The following ILDR1 variants were observed in gnomAD, a reference collection of about 807,000 sequenced individuals.
The protein encoded by ILDR1 is immunoglobulin like domain containing receptor 1.
Under a neutral mutation model 62.4 loss-of-function variants are expected in ILDR1, and 56 were observed. The ratio of observed to expected loss-of-function variants is 0.90; its 90% CI spans 0.72 to 1.12. The LOEUF is 1.12. Ranked by LOEUF, ILDR1 falls within the 50% of genes most tolerant of loss-of-function variation. The pLI is 0.00. For synonymous variants in ILDR1, 284 were observed against 277.8 expected, an observed-to-expected ratio of 1.02 and a Z score of -0.22; for missense variants, 736 against 710.6, an observed-to-expected ratio of 1.04 and a Z score of -0.41.
At chr3:122,041,054 T>C in the ILDR1 span, among the ~76,000 whole-genome samples, 1 of 152,196 alleles carries the variant, frequency 6.6e-6, no homozygotes, top group Non-Finnish European at 1.5e-5. Flanking sequence ...AAAGAACTCC[T>C]AAAACTCAGC....
intron 1 of ILDR1, among the ~76,000 whole-genome samples, chr3:122,019,790 C>A (rs73181890): frequency 8.6e-4 from 131 of 152,320 alleles, no homozygotes; most frequent in Non-Finnish European, 1.6e-3. Context: ...GGAGGCTAAT[C>A]AGAGAATTGG....
intron 5 of ILDR1, among the ~76,000 whole-genome samples, chr3:121,995,937 CTT>C (rs1488606853): frequency 3.3e-5 from 5 of 152,200 alleles, no homozygotes; most frequent in East Asian, 1.9e-4. Flanking sequence ...AGCCTACACT[CTT>C]TGTGTGCCGC....
the ILDR1 span, among the ~76,000 whole-genome samples, chr3:122,036,138 G>C: frequency 3.3e-5 from 5 of 152,340 alleles, no homozygotes; most frequent in African/African-American, 1.2e-4. Context: ...CTGCCCTAAA[G>C]ATCTGTGAAA....
At chr3:122,053,567 A>G in the ILDR1 span, among the ~76,000 whole-genome samples, 43 of 152,318 alleles carry the variant, frequency 2.8e-4, no homozygotes, top group African/African-American at 9.9e-4. Flanking sequence ...TGTGTATGAG[A>G]CAAGGTCTCA....
chr3:122,005,425 G>GC (rs756161527), intron 2 of ILDR1, 32 bp from the exon 3 acceptor site: 2 of 1,612,782 alleles, frequency 1.2e-6, no homozygotes, highest in Non-Finnish European at 1.7e-6. Flanking sequence ...GAGTCACACA[G>GC]CAATAGGGGG....
At chr3:122,030,070 G>A in the ILDR1 span, among the ~76,000 whole-genome samples, 1 of 152,098 alleles carries the variant, frequency 6.6e-6, no homozygotes, top group Non-Finnish European at 1.5e-5. Context: ...AGTCTTGCTA[G>A]GATCCACCCA....
At chr3:122,035,457 C>A in the ILDR1 span, among the ~76,000 whole-genome samples, 1 of 152,036 alleles carries the variant, frequency 6.6e-6, no homozygotes, top group East Asian at 1.9e-4. Flanking sequence ...AAAAAAGACA[C>A]CTTATATGTT....
chr3:122,029,297 A>T, the ILDR1 span, among the ~76,000 whole-genome samples: 2 of 152,054 alleles, frequency 1.3e-5, no homozygotes, highest in African/African-American at 2.4e-5. Flanking sequence ...ACTTGAGGTC[A>T]GGAGTTCATG....
chr3:122,048,570 G>T, the ILDR1 span, among the ~76,000 whole-genome samples: 1 of 152,152 alleles, frequency 6.6e-6, no homozygotes, highest in Admixed American at 6.5e-5. Flanking sequence ...TTTCTTTAAT[G>T]GGAAGCTTTT....
intron 5 of ILDR1, among the ~76,000 whole-genome samples, chr3:121,995,490 T>C (rs1385284955): frequency 6.6e-6 from 1 of 152,146 alleles, no homozygotes; most frequent in Non-Finnish European, 1.5e-5. Context: ...GTGATTCCAG[T>C]ATGAAACTTC....
At chr3:122,033,160 T>C in the ILDR1 span, among the ~76,000 whole-genome samples, 1 of 152,230 alleles carries the variant, frequency 6.6e-6, no homozygotes, top group Non-Finnish European at 1.5e-5. Flanking sequence ...CATTTGGAGC[T>C]AACAGTCTTT....
the ILDR1 span, among the ~76,000 whole-genome samples, chr3:122,030,131 C>T: frequency 7.2e-5 from 11 of 152,296 alleles, no homozygotes; most frequent in Non-Finnish European, 1.0e-4. Context: ...ACTTATAAAA[C>T]CAAGGAACTT....
chr3:122,044,884 A>AT, the ILDR1 span, among the ~76,000 whole-genome samples: 1 of 150,544 alleles, frequency 6.6e-6, no homozygotes, highest in African/African-American at 2.4e-5. Context: ...GGATTCATTG[A>AT]TTTTTTGAAG....
At chr3:122,044,866 C>T in the ILDR1 span, among the ~76,000 whole-genome samples, 1 of 151,490 alleles carries the variant, frequency 6.6e-6, no homozygotes, top group Non-Finnish European at 1.5e-5. Context: ...TTCAAAAAAC[C>T]AGCTCCTGGA....
In ILDR1 at chr3:122,007,180, G is replaced by T. The variant is rs763445577; in HGVS notation, c.59-19C>A. On this transcript the variant is annotated intron_variant, in intron 1 of 7. Transcript: ENST00000344209. ...AGGCACCCTAAAGCCAAGAGCAGGA[G>T]AAAATGCTGAAGGTGACCTACTCTG... The T allele has an allele frequency of 1.2e-5, 19 of 1,614,118 alleles. No homozygotes were observed. Among genetic ancestry groups the T allele is most frequent in the Non-Finnish European group, 1.4e-5 (17 of 1,180,020 alleles).
At chr3:122,001,996 C>A (rs1006415075) in intron 3 of ILDR1, 132 bp from the exon 4 acceptor site, 11 of 1,069,922 alleles carry the variant, frequency 1.0e-5, no homozygotes, top group Admixed American at 8.3e-5. Flanking sequence ...AAAAATTATC[C>A]AGCCATGGTG....
Position 121,993,480 on chromosome 3 carries a change from A to G in ILDR1, c.1269T>C (p.Asp423=). The G allele has an allele frequency of 2.5e-6, 4 of 1,614,248 alleles. No individual in the cohort carries two copies. The highest frequency in any genetic ancestry group is 3.4e-6 in the Non-Finnish European group (4 of 1,180,042). The change falls in exon 7 of 8, where the codon GAT becomes GAC. Residue 423 remains aspartate, a synonymous_variant. Transcript: ENST00000344209. ...IHWSDRDSLS[D]VPSSSEARWR... is the part of the protein sequence containing the mutation. ...AGCGTGCCTCACTGGATGAGGGGACATCGCTTAGGCTGTCCCTGTCTGACC... is the reference window on the plus strand; with the variant it reads ...AGCGTGCCTCACTGGATGAGGGGACGTCGCTTAGGCTGTCCCTGTCTGACC...
the ILDR1 span, among the ~76,000 whole-genome samples, chr3:122,061,429 A>T: frequency 2.0e-5 from 3 of 152,238 alleles, no homozygotes; most frequent in Non-Finnish European, 4.4e-5. Context: ...AGAAATAAAC[A>T]TGACAAAAAG....
At chr3:122,010,609 T>C (rs1018658655) in intron 1 of ILDR1, among the ~76,000 whole-genome samples, 1 of 152,164 alleles carries the variant, frequency 6.6e-6, no homozygotes, top group African/African-American at 2.4e-5. Flanking sequence ...TTGTGTGTTT[T>C]TTGTTTTTTG....
Sources: gnomAD v4.1 joint callset for allele counts (sites outside exome capture counted in the v4.1 genomes callset) on GRCh38, gnomAD v4.1.1 for gene constraint, MANE v1.5 for transcripts, NCBI Gene and HGNC (gene_info 2026-07-23, HGNC 2026-07-21) for gene names.